Variants in ENOX1 observed in about 807,000 individuals in gnomAD.
ENOX1 encodes the protein ecto-NOX disulfide-thiol exchanger 1.
In ENOX1, 42 loss-of-function variants were observed where a neutral mutation model predicts 82.5. The observed-to-expected ratio is 0.51, with a 90% CI of 0.40 to 0.66. The LOEUF is 0.66. Among genes scored for constraint, ENOX1 ranks in the 30% least tolerant of loss-of-function variants. The pLI, the probability that ENOX1 is intolerant of heterozygous loss-of-function variation, is 0.00. For synonymous variants in ENOX1, 271 were observed against 282.2 expected (o/e 0.96, Z 0.40); for missense variants, 608 against 811.6 (o/e 0.75, Z 3.05).
intron 1 of ENOX1, among the ~76,000 whole-genome samples, chr13:43,738,174 C>A (rs1360526287): frequency 6.6e-6 from 1 of 151,674 alleles, no homozygotes; most frequent in East Asian, 1.9e-4. Context: ...GCCCTTTTAC[C>A]CAAGCTTAAA....
intron 1 of ENOX1, among the ~76,000 whole-genome samples, chr13:43,733,157 T>G (rs2089438187): frequency 6.6e-6 from 1 of 152,174 alleles, no homozygotes; most frequent in Non-Finnish European, 1.5e-5. Flanking sequence ...CCGTGAGCAT[T>G]ATGAGGCTGG....
chr13:43,284,465 C>A (rs977927874), intron 12 of ENOX1, among the ~76,000 whole-genome samples: 1 of 151,950 alleles, frequency 6.6e-6, no homozygotes, highest in African/African-American at 2.4e-5. Flanking sequence ...AGCTGGCCAA[C>A]GAAAGCCACT....
chr13:43,738,476 G>T (rs901295663), intron 1 of ENOX1, among the ~76,000 whole-genome samples: 1 of 152,106 alleles, frequency 6.6e-6, no homozygotes, highest in Non-Finnish European at 1.5e-5. Flanking sequence ...AATATTAACA[G>T]TCTCTATTTA....
chr13:43,558,684 T>C (rs1389113274), intron 2 of ENOX1, among the ~76,000 whole-genome samples: 1 of 152,230 alleles, frequency 6.6e-6, no homozygotes, highest in East Asian at 1.9e-4. Context: ...CTTCTTTTTT[T>C]CACTCTTCCA....
At chr13:43,694,685 A>G (rs2086545952) in intron 1 of ENOX1, among the ~76,000 whole-genome samples, 2 of 152,210 alleles carry the variant, frequency 1.3e-5, no homozygotes. Flanking sequence ...ATTTTAATTT[A>G]TGGTTAATCT....
chr13:43,249,177 T>C (rs1395886600), intron 14 of ENOX1, among the ~76,000 whole-genome samples: 1 of 151,212 alleles, frequency 6.6e-6, no homozygotes, highest in Non-Finnish European at 1.5e-5. Flanking sequence ...AAAAAAAAAA[T>C]TCCTTTGTAT....
chr13:43,549,438 T>C (rs1283508660), intron 2 of ENOX1, among the ~76,000 whole-genome samples: 2 of 152,182 alleles, frequency 1.3e-5, no homozygotes, highest in African/African-American at 2.4e-5. Context: ...GAAGCACAAG[T>C]CCCTCTATTC....
intron 2 of ENOX1, among the ~76,000 whole-genome samples, chr13:43,516,812 C>A (rs2077578014): frequency 6.6e-6 from 1 of 152,078 alleles, no homozygotes; most frequent in African/African-American, 2.4e-5. Context: ...TTAAATTCCT[C>A]AAACAAAGCA....
intron 14 of ENOX1, among the ~76,000 whole-genome samples, chr13:43,262,598 C>T (rs1355778611): frequency 6.7e-6 from 1 of 150,202 alleles, no homozygotes; most frequent in East Asian, 2.0e-4. Flanking sequence ...GTGATCTCGG[C>T]TCACTGCAAC....
At chr13:43,526,370 T>C (rs2077992171) in intron 2 of ENOX1, among the ~76,000 whole-genome samples, 1 of 152,126 alleles carries the variant, frequency 6.6e-6, no homozygotes, top group African/African-American at 2.4e-5. Flanking sequence ...TTCGTACCCA[T>C]TATTTTCATT....
chr13:43,527,805 T>G (rs2153686335), intron 2 of ENOX1, among the ~76,000 whole-genome samples: 1 of 152,296 alleles, frequency 6.6e-6, no homozygotes. Context: ...TGAATTTATC[T>G]TTTCTGCTTC....
rs532492722 is a variant in ENOX1 at position 43,657,642 on chromosome 13, G to C, written c.-219+9837C>G. 2.0e-5 allele frequency among the ~76,000 whole-genome samples: 3 copies of C among 152,342 alleles called. No individual in the cohort carries two copies. In the East Asian group the frequency reaches 5.8e-4, roughly 29 times the overall value. ...TTTCATTCCAGGTATAGAAGGCACA[G>C]CTGGTTGAAAGTGGAGCTCTAGAAA... On this transcript the variant is annotated intron_variant, in intron 2 of 16. Coordinates refer to ENST00000690772, the MANE Select transcript of ENOX1 (RefSeq NM_001347969.2).
At chr13:43,364,422 T>C (rs2050715402) in intron 5 of ENOX1, among the ~76,000 whole-genome samples, 1 of 152,132 alleles carries the variant, frequency 6.6e-6, no homozygotes, top group South Asian at 2.1e-4. Flanking sequence ...AAGGAAGGGT[T>C]ATTCATCACA....
intron 3 of ENOX1, among the ~76,000 whole-genome samples, chr13:43,470,251 T>TATATATATACATATATATACAC (rs1566304849): frequency 4.5e-4 from 20 of 44,100 alleles, no homozygotes; most frequent in East Asian, 1.1e-3. Flanking sequence ...TATATATACA[T>TATATATATACATATATATACAC]ATATATATAC....
At chr13:43,779,183 T>TAA (rs57388902) in intron 1 of ENOX1, among the ~76,000 whole-genome samples, 32 of 118,062 alleles carry the variant, frequency 2.7e-4, no homozygotes, top group African/African-American at 4.4e-4. Context: ...CCTCGTTATT[T>TAA]AAAAAAAAAA....
chr13:43,481,185 C>G (rs867220777), intron 3 of ENOX1, among the ~76,000 whole-genome samples: 2 of 151,986 alleles, frequency 1.3e-5, no homozygotes, highest in South Asian at 4.2e-4. Context: ...CTCATACTTC[C>G]CGATGTCGAA....
At chr13:43,521,534 T>G (rs2077768511) in intron 2 of ENOX1, among the ~76,000 whole-genome samples, 1 of 152,132 alleles carries the variant, frequency 6.6e-6, no homozygotes, top group Admixed American at 6.6e-5. Context: ...TTAGACAGAC[T>G]GCACACAAGT....
chr13:43,494,244 C>A (rs117687945), intron 2 of ENOX1, among the ~76,000 whole-genome samples: 3 of 152,120 alleles, frequency 2.0e-5, no homozygotes, highest in African/African-American at 4.8e-5. Flanking sequence ...TTAACTAATA[C>A]GAAGACCCAC....
At chr13:43,674,938 G>T (rs1228698848) in intron 1 of ENOX1, among the ~76,000 whole-genome samples, 1 of 152,148 alleles carries the variant, frequency 6.6e-6, no homozygotes, top group Non-Finnish European at 1.5e-5. Context: ...AAGTATAAAA[G>T]AATGTGGTGA....
Sources: allele counts gnomAD v4.1 joint callset (sites outside exome capture counted in the v4.1 genomes callset), GRCh38; gene constraint gnomAD v4.1.1; transcripts MANE v1.5; gene names NCBI Gene and HGNC (gene_info 2026-07-23, HGNC 2026-07-21).